The following ADGRV1 variants were observed in gnomAD, a reference collection of about 807,000 sequenced individuals.
ADGRV1 encodes the protein G-protein coupled receptor 98.
ADGRV1 carries 359 observed loss-of-function variants against 596.2 expected under a neutral mutation model. The observed-to-expected ratio is 0.60, with a 90% confidence interval of 0.55 to 0.66. The LOEUF (loss-of-function observed/expected upper bound fraction) is 0.66, where lower values mean the gene tolerates loss of function less well. ADGRV1 is among the 30% of genes least tolerant of loss of function. The probability of loss-of-function intolerance (pLI) is 0.00; values close to 1 mark genes in which losing one functional copy is unlikely to be tolerated. For missense variants in ADGRV1, 7,274 were observed against 7,575.6 expected (o/e 0.96, Z 1.48); for synonymous variants, 2,681 against 2,679.2 (o/e 1.00, Z -0.02).
intron 83 of ADGRV1, among the ~76,000 whole-genome samples, chr5:90,961,917 C>T (rs987722618): frequency 6.6e-5 from 10 of 152,022 alleles, no homozygotes; most frequent in Non-Finnish European, 5.9e-5. Flanking sequence ...ATTTGATTGT[C>T]ATTATGAGCC....
chr5:90,789,631 A>T, intron 68 of ADGRV1, 71 bp from the exon 69 acceptor site: 1 of 859,152 alleles, frequency 1.2e-6, no homozygotes, highest in Non-Finnish European at 1.8e-6. Flanking sequence ...TCTGTTTGTT[A>T]ATATGTTGGA....
chr5:91,093,633 A>C (rs4244206), intron 86 of ADGRV1, among the ~76,000 whole-genome samples: 118,816 of 152,028 alleles, frequency 0.78, 46,541 homozygotes, highest in South Asian at 0.82. Flanking sequence ...TGACAAAGAG[A>C]TACAGGCATG....
chr5:91,064,299 T>C (rs1169493175), intron 85 of ADGRV1, among the ~76,000 whole-genome samples: 4 of 152,238 alleles, frequency 2.6e-5, no homozygotes, highest in Non-Finnish European at 4.4e-5. Flanking sequence ...AATTGTCAAA[T>C]TGTAGAGGTA....
intron 86 of ADGRV1, among the ~76,000 whole-genome samples, chr5:91,073,398 A>G (rs1228936693): frequency 1.3e-5 from 2 of 152,198 alleles, no homozygotes. Flanking sequence ...AATGAATGAC[A>G]GTCTTAGAGG....
At chr5:91,041,573 C>T (rs1254806944) in intron 85 of ADGRV1, among the ~76,000 whole-genome samples, 1 of 151,186 alleles carries the variant, frequency 6.6e-6, no homozygotes, top group Non-Finnish European at 1.5e-5. Context: ...CACCATGGCA[C>T]ATGTATACCT....
rs866958173 is a variant in ADGRV1, at chr5:90,653,733, A to C, written c.4159A>C (p.Ile1387Leu). The C allele has an allele frequency of 1.2e-6, 2 of 1,613,012 alleles. No individual in the cohort carries two copies. The highest frequency in any genetic ancestry group is 3.3e-4 in the Middle Eastern group (2 of 6,062). Residue 1387 changes from isoleucine to leucine, a missense_variant, in exon 20 of 90, where the codon ATA (isoleucine) becomes CTA (leucine). Coordinates refer to ENST00000405460, the MANE Select transcript of ADGRV1 (RefSeq NM_032119.4). ...TGGAAGCATCTACTACGGGGTAAAA[A>C]TACAAACAAACGAATCCCATGTGAC... ...GNGSIYYGVK[I>L]QTNESHVTLS... is the part of the protein sequence containing the mutation.
At chr5:91,148,357 T>C (rs1795731883) in intron 87 of ADGRV1, among the ~76,000 whole-genome samples, 1 of 152,284 alleles carries the variant, frequency 6.6e-6, no homozygotes, top group Non-Finnish European at 1.5e-5. Flanking sequence ...ATCCTAGACC[T>C]GGTCCAGGGC....
At chr5:90,814,757 A>G (rs1189062988) in intron 74 of ADGRV1, among the ~76,000 whole-genome samples, 1 of 152,166 alleles carries the variant, frequency 6.6e-6, no homozygotes, top group Non-Finnish European at 1.5e-5. Context: ...ACCTAATCTC[A>G]GGTAGCATCT....
Position 90,781,356 on chromosome 5 carries a change from A to C in ADGRV1, c.13083-74A>C, listed in dbSNP as rs1362358005. The C allele has an allele frequency of 7.0e-6, 8 of 1,143,372 alleles. No homozygotes were observed. The East Asian group carries it at 2.0e-4, about 29-fold the overall frequency. 70.8% of individuals were successfully genotyped at this position (1,143,372 alleles called of 1,614,324 possible). The stretch of plus-strand genomic sequence containing the variant: ...TTGTAGGAGCTAAGAGGATCTTTTA[A>C]TTCATGCTATGCAATTATGTATTTT... On this transcript the variant is annotated intron_variant, in intron 64 of 89. Coordinates refer to ENST00000405460, the MANE Select transcript of ADGRV1 (RefSeq NM_032119.4).
intron 85 of ADGRV1, among the ~76,000 whole-genome samples, chr5:91,064,892 C>A (rs756341207): frequency 2.0e-5 from 3 of 152,156 alleles, no homozygotes; most frequent in Admixed American, 6.5e-5. Context: ...ACACACAATG[C>A]ATGCATGCAT....
chr5:91,032,130 C>T (rs1324451197), intron 85 of ADGRV1, among the ~76,000 whole-genome samples: 2 of 152,106 alleles, frequency 1.3e-5, no homozygotes, highest in Non-Finnish European at 2.9e-5. Flanking sequence ...GTGAGCATCC[C>T]GGAAGTAATA....
At chr5:90,958,271 C>A (rs1777660256) in intron 83 of ADGRV1, among the ~76,000 whole-genome samples, 1 of 109,618 alleles carries the variant, frequency 9.1e-6, no homozygotes. Context: ...GTGACAGAGC[C>A]AGACCTTGTC....
intron 85 of ADGRV1, among the ~76,000 whole-genome samples, chr5:91,014,063 A>G (rs558134366): frequency 2.6e-4 from 39 of 150,400 alleles, no homozygotes; most frequent in African/African-American, 9.0e-4. Flanking sequence ...CCGTTGGTCT[A>G]TGTGTCTGTT....
Position 90,697,146 on chromosome 5 carries a change from GGT to G in ADGRV1, c.8155+2_8155+3del, listed in dbSNP as rs765977046. ...TTCCAGATCTGTCATAGGTCATGAA[GGT>G]GGGTTCCTTTTTTTGTTAAGCATAT... On this transcript the variant is annotated splice_donor_variant, in intron 34 of 89. Transcript: ENST00000405460. LOFTEE classifies it high-confidence loss of function. The G allele has an allele frequency of 1.2e-6, 2 of 1,609,250 alleles. No individual in the cohort carries two copies. Among genetic ancestry groups the G allele is most frequent in the East Asian group, 4.5e-5 (2 of 44,796 alleles).
chr5:90,566,498 G>C (rs2151946954), intron 1 of ADGRV1, among the ~76,000 whole-genome samples: 1 of 151,908 alleles, frequency 6.6e-6, no homozygotes, highest in East Asian at 1.9e-4. Flanking sequence ...ACTCTATTTT[G>C]TTGATCTAGT....
intron 83 of ADGRV1, among the ~76,000 whole-genome samples, chr5:90,924,388 C>T (rs1163142126): frequency 1.3e-4 from 20 of 151,866 alleles, no homozygotes; most frequent in African/African-American, 4.1e-4. Context: ...CCAGTGATGA[C>T]GAACATTTTT....
chr5:90,580,916 C>T (rs1046624668), intron 1 of ADGRV1, among the ~76,000 whole-genome samples: 8 of 152,122 alleles, frequency 5.3e-5, no homozygotes, highest in Admixed American at 6.6e-5. Context: ...GGTCTTTTCA[C>T]ATAGTCCCAT....
At chr5:90,782,378 T>C (rs1185286019) in intron 65 of ADGRV1, among the ~76,000 whole-genome samples, 2 of 152,226 alleles carry the variant, frequency 1.3e-5, no homozygotes, top group Admixed American at 1.3e-4. Flanking sequence ...CATTAAGAAA[T>C]AAATGAGACT....
At chr5:90,709,095 G>A (rs1269703557) in intron 39 of ADGRV1, among the ~76,000 whole-genome samples, 186 bp downstream of exon 39, 1 of 152,052 alleles carries the variant, frequency 6.6e-6, no homozygotes, top group Non-Finnish European at 1.5e-5. Context: ...ACAATGTAAA[G>A]ACATTAAAAA....
Sources: gnomAD v4.1 joint callset for allele counts (sites outside exome capture counted in the v4.1 genomes callset) on GRCh38, gnomAD v4.1.1 for gene constraint, MANE v1.5 for transcripts, NCBI Gene and HGNC (gene_info 2026-07-23, HGNC 2026-07-21) for gene names.